Variants in CIZ1 observed in about 807,000 individuals in gnomAD.
The protein encoded by CIZ1 is CDKN1A interacting zinc finger protein 1.
Under a neutral mutation model 118.6 loss-of-function variants are expected in CIZ1, and 58 were observed. The observed-to-expected ratio is 0.49, with a 90% confidence interval of 0.40 to 0.61. CIZ1 has a LOEUF of 0.61. CIZ1 is among the 20% of genes least tolerant of loss of function. The pLI is 0.00. For missense variants in CIZ1, 921 were observed against 1,115.9 expected, an observed-to-expected ratio of 0.83 and a Z score of 2.49; for synonymous variants, 448 against 443.4, an observed-to-expected ratio of 1.01 and a Z score of -0.13.
upstream of CIZ1, chr9:128,191,647 A>C (rs1833170455): frequency 3.2e-6 from 4 of 1,232,200 alleles, no homozygotes; most frequent in Non-Finnish European, 4.1e-6. The surrounding 1 kb of genome is among the most constrained non-coding windows in gnomAD (Gnocchi z 5.5). Flanking sequence ...CGGCCGCGCC[A>C]CCCGAGCCCG....
At position 128,166,111 on chromosome 9, in the gene CIZ1, GAACC is replaced by G; in HGVS notation, c.*82_*85del. ...TTTATTGGATTTTGAGTAAAAACATGAACCATGTCAAAGTTTCCAGGCAGACTCC... is the reference window on the plus strand; with the variant it reads ...TTTATTGGATTTTGAGTAAAAACATGATGTCAAAGTTTCCAGGCAGACTCC... On this transcript the variant is annotated 3_prime_UTR_variant, in exon 17 of 17. Coordinates refer to ENST00000372938, the MANE Select transcript of CIZ1 (RefSeq NM_001131016.2). The surrounding 1 kb of genome is among the most constrained non-coding windows in gnomAD (Gnocchi z 4.4). 1 of 952,042 alleles carries G rather than the reference GAACC, an allele frequency of 1.1e-6. No individual in the cohort carries two copies. Among genetic ancestry groups the G allele is most frequent in the African/African-American group, 1.7e-5 (1 of 60,078 alleles). 59.0% of individuals were successfully genotyped at this position (952,042 alleles called of 1,614,324 possible).
chr9:128,169,986 T>C (rs780268125), intron 12 of CIZ1, 34 bp downstream of exon 12: 1 of 1,569,528 alleles, frequency 6.4e-7, no homozygotes, highest in Admixed American at 1.8e-5. Context: ...CAGACGGCAG[T>C]GCGGGTGCCT....
At chr9:128,173,293 T>C (rs868463077) in intron 11 of CIZ1, among the ~76,000 whole-genome samples, 48 of 151,972 alleles carry the variant, frequency 3.2e-4, no homozygotes, top group African/African-American at 1.1e-3. Flanking sequence ...TACAGGCGCC[T>C]GCCACCACGC....
At chr9:128,180,311 A>C (rs1479154693) in intron 7 of CIZ1, 104 bp downstream of exon 7, 7 of 816,346 alleles carry the variant, frequency 8.6e-6, no homozygotes, top group Non-Finnish European at 1.4e-5. Flanking sequence ...TCCTTGCTCC[A>C]GCTCCACTGA....
chr9:128,173,814 G>A (rs1043287971), intron 11 of CIZ1, among the ~76,000 whole-genome samples: 5 of 151,896 alleles, frequency 3.3e-5, no homozygotes, highest in Admixed American at 6.6e-5. Context: ...AGACCATCCT[G>A]GCTAACACAG....
intron 6 of CIZ1, 47 bp downstream of exon 6, chr9:128,180,674 C>T (rs1831471490): frequency 1.4e-6 from 2 of 1,468,896 alleles, no homozygotes; most frequent in Non-Finnish European, 1.9e-6. Flanking sequence ...CCACTGGCCC[C>T]ACCCCATTCA....
upstream of CIZ1, among the ~76,000 whole-genome samples, chr9:128,195,484 A>AT: frequency 6.6e-6 from 1 of 151,906 alleles, no homozygotes; most frequent in East Asian, 2.0e-4. Context: ...CACCCGGCTA[A>AT]TTTTTGTATT....
At chr9:128,172,165 A>G (rs1250255101) in intron 11 of CIZ1, among the ~76,000 whole-genome samples, 28 of 150,386 alleles carry the variant, frequency 1.9e-4, no homozygotes, top group Non-Finnish European at 3.3e-4. Context: ...AAAAAAAAAA[A>G]AAAAAAAAAA....
rs141569452 is a variant in CIZ1, at chr9:128,166,603, C to T, written c.2487+156G>A. 1.1e-4 allele frequency: 120 copies of T among 1,095,056 alleles called. No individual in the cohort carries two copies. The East Asian group carries it at 2.3e-3, about 21-fold the overall frequency. The allele number at this position is 1,095,056 out of a possible 1,614,324, so 67.8% of individuals were successfully genotyped here. A position where few individuals can be genotyped will look rare whatever the true frequency, so the allele number is the denominator to read the frequency against. On this transcript the variant is annotated intron_variant, in intron 16 of 16. Coordinates refer to ENST00000372938, the MANE Select transcript of CIZ1 (RefSeq NM_001131016.2). This position sits in a 1 kb window ranked among gnomAD's most constrained non-coding sequence, Gnocchi z 4.4. ...ATCCCCTTGAACAATAAGAGCCCAA[C>T]CCCACCCCAGCTCTAATTCTCTCCC...
chr9:128,178,531 C>T (rs773865658), intron 8 of CIZ1, 41 bp from the exon 9 acceptor site: 8 of 1,613,584 alleles, frequency 5.0e-6, no homozygotes, highest in South Asian at 1.1e-5. Flanking sequence ...AGTCCCCAGG[C>T]CCAAGAGCTG....
chr9:128,190,883 G>T, intron 1 of CIZ1, 21 bp from the exon 2 acceptor site: 1 of 1,521,348 alleles, frequency 6.6e-7, no homozygotes, highest in Non-Finnish European at 8.8e-7. Flanking sequence ...AAAGCAGAGT[G>T]AGGCAAGGGG....
At position 128,191,534 on chromosome 9, in the gene CIZ1, G is replaced by A. The variant is rs979122489; in HGVS notation, c.-108C>T. On this transcript the variant is annotated 5_prime_UTR_variant, in exon 1 of 17. Coordinates refer to ENST00000372938, the MANE Select transcript of CIZ1 (RefSeq NM_001131016.2). This position sits in a 1 kb window ranked among gnomAD's most constrained non-coding sequence, Gnocchi z 5.5. Reference sequence around the variant, plus strand: ...GGCGGCTCCGGCCCGCGGGCTCCCGGCCTCCCCGCTGCTACTCCGGGGCCT... The same window carrying A: ...GGCGGCTCCGGCCCGCGGGCTCCCGACCTCCCCGCTGCTACTCCGGGGCCT... The A allele has an allele frequency of 9.7e-7, 1 of 1,030,604 alleles. No individual in the cohort carries two copies. The highest frequency in any genetic ancestry group is 1.7e-5 in the African/African-American group (1 of 58,860). The allele number at this position is 1,030,604 out of a possible 1,614,324, so 63.8% of individuals were successfully genotyped here.
intron 1 of CIZ1, among the ~76,000 whole-genome samples, chr9:128,201,052 A>C (rs1833499916): frequency 6.6e-6 from 1 of 151,984 alleles, no homozygotes; most frequent in Non-Finnish European, 1.5e-5. Flanking sequence ...GCAGATCACA[A>C]GGTCAGGAGA....
chr9:128,169,909 G>A, intron 12 of CIZ1, 111 bp downstream of exon 12: 1 of 1,078,948 alleles, frequency 9.3e-7, no homozygotes, highest in Non-Finnish European at 1.4e-6. Flanking sequence ...GTGGGTTATG[G>A]GTGTGCAGGG....
chr9:128,196,185 G>T (rs958073440), upstream of CIZ1, among the ~76,000 whole-genome samples: 1 of 151,952 alleles, frequency 6.6e-6, no homozygotes, highest in Non-Finnish European at 1.5e-5. Flanking sequence ...AATTTTGATT[G>T]GTGTTGCACT....
chr9:128,191,748 T>C, upstream of CIZ1: 9 of 1,394,964 alleles, frequency 6.5e-6, no homozygotes, highest in South Asian at 1.1e-4. The surrounding 1 kb of genome is among the most constrained non-coding windows in gnomAD (Gnocchi z 5.5). Flanking sequence ...TCCCGCGTCC[T>C]CCGCATCGCG....
At chr9:128,167,286 G>T in intron 14 of CIZ1, 122 bp from the exon 15 acceptor site, 1 of 707,854 alleles carries the variant, frequency 1.4e-6, no homozygotes, top group Non-Finnish European at 2.3e-6. Context: ...TTTCCAGGAG[G>T]TAGTGGGTGG....
In CIZ1 at chr9:128,166,387, T is replaced by C. The variant is rs1440590824; in HGVS notation, c.2507A>G (p.Asn836Ser). 1 of 1,542,702 alleles carries C rather than the reference T, an allele frequency of 6.5e-7. No homozygotes were observed. Among genetic ancestry groups the C allele is most frequent in the East Asian group, 2.4e-5 (1 of 41,220 alleles). ...CACAGGTCGGGTGGTGGGGCTGGGG[T>C]TCTTGGCCGCCTTGTATTTCTGGAT... ...ENLQKYKAAK[N>S]PSPTTRPVSR... The change falls in exon 17 of 17, where the codon AAC becomes AGC. Residue 836 changes from asparagine to serine, a missense_variant. Asn to Ser is a conservative substitution (Grantham distance 46). Coordinates refer to ENST00000372938, the MANE Select transcript of CIZ1 (RefSeq NM_001131016.2). The surrounding 1 kb of genome is among the most constrained non-coding windows in gnomAD (Gnocchi z 4.4).
chr9:128,183,355 T>A (rs1012769548), intron 5 of CIZ1, among the ~76,000 whole-genome samples: 1 of 151,986 alleles, frequency 6.6e-6, no homozygotes, highest in Non-Finnish European at 1.5e-5. Context: ...GGTTTTTCCA[T>A]ACGTAAAAAA....
Sources: gnomAD v4.1 joint callset for allele counts (sites outside exome capture counted in the v4.1 genomes callset) on GRCh38, gnomAD v4.1.1 for gene constraint, Gnocchi (gnomAD v3.1) non-coding constraint, MANE v1.5 for transcripts, NCBI Gene and HGNC (gene_info 2026-07-23, HGNC 2026-07-21) for gene names.